GOT2: variants seen among roughly 807,000 people sequenced by gnomAD.
GOT2 encodes aspartate aminotransferase, mitochondrial.
A neutral mutation model predicts 50.0 loss-of-function variants in GOT2; 17 were observed. That is an observed-to-expected ratio of 0.34 (90% confidence interval 0.23 to 0.51). The LOEUF (loss-of-function observed/expected upper bound fraction) is 0.51, where lower values mean the gene tolerates loss of function less well. GOT2 is among the 20% of genes least tolerant of loss of function. The probability of loss-of-function intolerance (pLI) is 0.97; values close to 1 mark genes in which losing one functional copy is unlikely to be tolerated. For synonymous variants in GOT2, 172 were observed against 204.9 expected (o/e 0.84, Z 1.37); for missense variants, 430 against 559.6 (o/e 0.77, Z 2.34).
rs770257478 is a variant in GOT2, at chr16:58,718,212, A to G, written c.686T>C (p.Ile229Thr). The G allele has an allele frequency of 6.2e-7, 1 of 1,612,816 alleles. No individual in the cohort carries two copies. Among genetic ancestry groups the G allele is most frequent in the Non-Finnish European group, 8.5e-7 (1 of 1,178,862 alleles). ...CGTCCTCACCTTCACCACTGTTGCT[A>G]TTTCCTTCCACTGTTCCGGACGCGG... Reference protein sequence around the residue: ...VDPRPEQWKEIATVVKKRNLF... With the variant: ...VDPRPEQWKETATVVKKRNLF... The change falls in exon 6 of 10, where the codon ATA (isoleucine) becomes ACA (threonine). Residue 229 changes from isoleucine (I) to threonine (T), a missense_variant. Coordinates refer to ENST00000245206, the MANE Select transcript of GOT2 (RefSeq NM_002080.4).
chr16:58,721,487 G>A (rs2044739590), intron 3 of GOT2, among the ~76,000 whole-genome samples: 1 of 152,142 alleles, frequency 6.6e-6, no homozygotes, highest in African/African-American at 2.4e-5. Context: ...TAGGACATGA[G>A]GGTGTGGGCT....
intron 1 of GOT2, among the ~76,000 whole-genome samples, chr16:58,726,237 ATGCAATGG>A (rs1280346054): frequency 6.6e-6 from 1 of 151,978 alleles, no homozygotes; most frequent in Non-Finnish European, 1.5e-5. Context: ...CCAGGCTGGA[ATGCAATGG>A]TGCGATCTCG....
chr16:58,733,593 G>A (rs1322791236), intron 1 of GOT2, among the ~76,000 whole-genome samples: 1 of 152,188 alleles, frequency 6.6e-6, no homozygotes, highest in East Asian at 1.9e-4. Context: ...TCAGGAGAAT[G>A]CCGCACGCCA....
chr16:58,726,708 T>A (rs1233769572), intron 1 of GOT2, among the ~76,000 whole-genome samples: 1 of 150,840 alleles, frequency 6.6e-6, no homozygotes, highest in Non-Finnish European at 1.5e-5. Context: ...GTCAGGTCTC[T>A]ACCTCCTGAC....
intron 1 of GOT2, among the ~76,000 whole-genome samples, chr16:58,727,274 G>A (rs527600634): frequency 3.9e-5 from 6 of 152,048 alleles, no homozygotes; most frequent in Admixed American, 3.9e-4. Flanking sequence ...GACTACAGGC[G>A]CACACAAGTT....
rs1332020413 is a variant in GOT2, at chr16:58,718,661, C to T, written c.463G>A (p.Val155Ile). 4.4e-6 allele frequency: 7 copies of T among 1,583,966 alleles called. No homozygotes were observed. The highest frequency in any genetic ancestry group is 6.0e-6 in the Non-Finnish European group (7 of 1,167,564). ...CCCCAGGTTGGTTTGGGCAGAAAGACATCTCGGCTGAACTTAAAAAATCTT... is the reference window on the plus strand; with the variant it reads ...CCCCAGGTTGGTTTGGGCAGAAAGATATCTCGGCTGAACTTAAAAAATCTT... ...LQRFFKFSRD[V>I]FLPKPTWGNH... is the part of the protein sequence containing the mutation. Residue 155 changes from valine (V) to isoleucine (I), a missense_variant, in exon 5 of 10, where the codon GTC becomes ATC. Transcript: ENST00000245206.
chr16:58,708,431 A>G (rs1286628215), intron 9 of GOT2, 138 bp from the exon 10 acceptor site: 14 of 783,332 alleles, frequency 1.8e-5, no homozygotes, highest in Non-Finnish European at 2.2e-5. Context: ...TTAGCTTGGA[A>G]TAAAATAAGA....
At chr16:58,728,947 A>G (rs995013389) in intron 1 of GOT2, among the ~76,000 whole-genome samples, 1 of 152,126 alleles carries the variant, frequency 6.6e-6, no homozygotes, top group Non-Finnish European at 1.5e-5. Context: ...TCAGCCTCCC[A>G]AAGTGCTGGG....
intron 1 of GOT2, among the ~76,000 whole-genome samples, chr16:58,727,362 A>T (rs1177149104): frequency 8.0e-6 from 1 of 124,738 alleles, no homozygotes; most frequent in Non-Finnish European, 1.9e-5. Context: ...CCTACAATAT[A>T]AAAGGTTTTT....
In GOT2 at chr16:58,718,679, A is replaced by G. The variant is rs771157851; in HGVS notation, c.445T>C (p.Phe149Leu). The change falls in exon 5 of 10, where the codon TTT becomes CTT. Residue 149 changes from phenylalanine (F) to leucine (L), a missense_variant. Coordinates refer to ENST00000245206, the MANE Select transcript of GOT2 (RefSeq NM_002080.4). ...AGAAAGACATCTCGGCTGAACTTAA[A>G]AAATCTTTGCTAAAAGATGGGACGA... is the stretch of plus-strand genomic sequence containing the variant. ...RIGASFLQRF[F>L]KFSRDVFLPK... 6.4e-7 allele frequency: 1 copy of G among 1,562,322 alleles called. No individual in the cohort carries two copies.
Position 58,711,505 on chromosome 16 carries a change from T to G in GOT2, c.1020-1938A>C, listed in dbSNP as rs559047705. Among the ~76,000 whole-genome samples, 4 of 152,314 alleles carry G rather than the reference T, an allele frequency of 2.6e-5. No individual in the cohort carries two copies. In the South Asian group the frequency reaches 8.3e-4, roughly 32 times the overall value. The stretch of plus-strand genomic sequence containing the variant: ...ACTTTCCTAAACCATCTCTGTATAA[T>G]GATGTTATGCACGGTTAGAAGAGAG... On this transcript the variant is annotated intron_variant, in intron 8 of 9. Transcript: ENST00000245206.
intron 1 of GOT2, among the ~76,000 whole-genome samples, chr16:58,732,626 C>G (rs1482422687): frequency 2.0e-5 from 3 of 152,170 alleles, no homozygotes; most frequent in Non-Finnish European, 2.9e-5. Flanking sequence ...AGTCTCCGCT[C>G]TCATGGAACT....
chr16:58,720,877 C>A (rs1026375581), intron 3 of GOT2, among the ~76,000 whole-genome samples: 4 of 152,158 alleles, frequency 2.6e-5, no homozygotes, highest in Admixed American at 6.5e-5. Context: ...TGAGCCACTG[C>A]GCCCGGCTGA....
intron 3 of GOT2, among the ~76,000 whole-genome samples, chr16:58,721,287 A>C (rs2044737743): frequency 6.6e-6 from 1 of 152,206 alleles, no homozygotes; most frequent in Non-Finnish European, 1.5e-5. Flanking sequence ...AAATGCACTC[A>C]CTAAAAAACA....
chr16:58,708,328 G>T (rs762643185), intron 9 of GOT2, 35 bp from the exon 10 acceptor site: 2 of 1,605,558 alleles, frequency 1.2e-6, no homozygotes, highest in Admixed American at 3.4e-5. Flanking sequence ...ACCTCTTCCC[G>T]GTACAGGGGA....
In GOT2 at chr16:58,708,084, T is replaced by A. The variant is rs1468311898; in HGVS notation, c.*87A>T. 1.5e-6 allele frequency: 2 copies of A among 1,315,168 alleles called. No individual in the cohort carries two copies. Among genetic ancestry groups the A allele is most frequent in the Admixed American group, 1.9e-5 (1 of 52,292 alleles). The allele number at this position is 1,315,168 out of a possible 1,614,324, so 81.5% of individuals were successfully genotyped here. On this transcript the variant is annotated 3_prime_UTR_variant, in exon 10 of 10. Coordinates refer to ENST00000245206, the MANE Select transcript of GOT2 (RefSeq NM_002080.4). ...GAAAGAAATGATCCACTCACCACCA[T>A]CCACCCTCTCTCATTGTCTGTGTGA...
At chr16:58,711,517 C>T (rs1398918470) in intron 8 of GOT2, among the ~76,000 whole-genome samples, 4 of 152,136 alleles carry the variant, frequency 2.6e-5, no homozygotes, top group African/African-American at 4.8e-5. Context: ...ATGTTATGCA[C>T]GGTTAGAAGA....
chr16:58,734,271 G>T lies in GOT2; in HGVS notation c.-43C>A. 9.2e-7 allele frequency: 1 copy of T among 1,087,586 alleles called. No homozygotes were observed. The allele number at this position is 1,087,586 out of a possible 1,614,324, so 67.4% of individuals were successfully genotyped here. ...CAGTGGGCAGCCGCAGGACGGAGCAGAGGGCGAGCGGACACACACACAGGG... is the reference window on the plus strand; with the variant it reads ...CAGTGGGCAGCCGCAGGACGGAGCATAGGGCGAGCGGACACACACACAGGG... On this transcript the variant is annotated 5_prime_UTR_variant, in exon 1 of 10. The change creates a new upstream start codon in the 5' untranslated region. Coordinates refer to ENST00000245206, the MANE Select transcript of GOT2 (RefSeq NM_002080.4).
intron 2 of GOT2, among the ~76,000 whole-genome samples, chr16:58,722,797 T>C (rs1222607078): frequency 2.6e-5 from 4 of 152,192 alleles, no homozygotes; most frequent in Admixed American, 2.6e-4. Flanking sequence ...TTAGGTTTTA[T>C]GTGGATGGGT....
Sources: allele counts gnomAD v4.1 joint callset (sites outside exome capture counted in the v4.1 genomes callset), GRCh38; gene constraint gnomAD v4.1.1; transcripts MANE v1.5; gene names NCBI Gene and HGNC (gene_info 2026-07-23, HGNC 2026-07-21).